Variants in MALRD1 observed in about 807,000 individuals in gnomAD.
MALRD1 encodes the protein MAM and LDL receptor class A domain containing 1, also known as MAM and LDL-receptor class A domain-containing protein 1.
A neutral mutation model predicts 242.1 loss-of-function variants in MALRD1; 247 were observed. The ratio of observed to expected loss-of-function variants is 1.02; its 90% confidence interval spans 0.92 to 1.13. The LOEUF is 1.13. Ranked by LOEUF, MALRD1 falls within the 50% of genes most tolerant of loss-of-function variation. MALRD1 has a pLI of 0.00. For synonymous variants in MALRD1, 995 were observed against 866.6 expected (o/e 1.15, Z -2.60); for missense variants, 2,989 against 2,533.1 (o/e 1.18, Z -3.86).
At chr10:19,287,411 G>C (rs1049408350) in intron 21 of MALRD1, among the ~76,000 whole-genome samples, 3 of 151,988 alleles carry the variant, frequency 2.0e-5, no homozygotes, top group Non-Finnish European at 2.9e-5. Context: ...CGTTCCGACT[G>C]TGTATATTTA....
chr10:19,189,306 A>G (rs570793885), intron 14 of MALRD1, among the ~76,000 whole-genome samples: 42 of 152,294 alleles, frequency 2.8e-4, no homozygotes, highest in African/African-American at 9.9e-4. Context: ...AAGAGATTTG[A>G]TGAATAATAA....
chr10:19,703,307 C>T (rs1833704599), intron 38 of MALRD1, among the ~76,000 whole-genome samples: 1 of 152,030 alleles, frequency 6.6e-6, no homozygotes, highest in South Asian at 2.1e-4. Context: ...GCTTCCTGTC[C>T]CTGTAACAAA....
intron 28 of MALRD1, among the ~76,000 whole-genome samples, chr10:19,399,616 C>T (rs1589022917): frequency 6.6e-6 from 1 of 152,014 alleles, no homozygotes; most frequent in African/African-American, 2.4e-5. Context: ...GTGATTCACT[C>T]TTGTATGCAT....
chr10:19,505,670 A>T (rs913318491), intron 31 of MALRD1, among the ~76,000 whole-genome samples: 5 of 152,166 alleles, frequency 3.3e-5, no homozygotes, highest in African/African-American at 7.2e-5. Flanking sequence ...AGGGGAACTC[A>T]CTCAGACCAC....
intron 18 of MALRD1, among the ~76,000 whole-genome samples, chr10:19,244,327 C>A (rs907711105): frequency 6.6e-6 from 1 of 152,104 alleles, no homozygotes; most frequent in African/African-American, 2.4e-5. Context: ...AAACTCAGTA[C>A]TTTGGGAATT....
At chr10:19,657,269 T>C (rs1841200922) in intron 36 of MALRD1, among the ~76,000 whole-genome samples, 1 of 152,210 alleles carries the variant, frequency 6.6e-6, no homozygotes, top group Non-Finnish European at 1.5e-5. Flanking sequence ...TAATTGAATT[T>C]TTATTCTTTG....
intron 33 of MALRD1, among the ~76,000 whole-genome samples, chr10:19,584,909 C>A (rs1228342288): frequency 1.3e-5 from 2 of 151,736 alleles, no homozygotes; most frequent in Non-Finnish European, 2.9e-5. Flanking sequence ...CTGGGTGCTC[C>A]TGTATTGGGT....
chr10:19,622,585 G>A (rs1406724624), intron 36 of MALRD1, among the ~76,000 whole-genome samples: 1 of 150,416 alleles, frequency 6.6e-6, no homozygotes. Context: ...TTTCATAGGG[G>A]TAAACAATTA....
chr10:19,411,320 T>TAGC (rs958844817), intron 28 of MALRD1, among the ~76,000 whole-genome samples: 10 of 152,208 alleles, frequency 6.6e-5, no homozygotes, highest in South Asian at 2.1e-4. Flanking sequence ...AAACTACCAC[T>TAGC]AGCAGCAGCA....
intron 28 of MALRD1, among the ~76,000 whole-genome samples, chr10:19,406,375 T>C (rs1448608800): frequency 2.0e-5 from 3 of 152,208 alleles, no homozygotes; most frequent in Non-Finnish European, 4.4e-5. Flanking sequence ...TATTTCCATT[T>C]AAATGCCCTT....
intron 36 of MALRD1, among the ~76,000 whole-genome samples, chr10:19,631,642 T>C (rs766961415): frequency 1.6e-4 from 24 of 152,208 alleles, no homozygotes; most frequent in Admixed American, 1.3e-4. Flanking sequence ...CTCCATAACC[T>C]CACCAGCATC....
chr10:19,522,173 A>G (rs566773475), intron 31 of MALRD1, among the ~76,000 whole-genome samples: 1 of 152,252 alleles, frequency 6.6e-6, no homozygotes, highest in South Asian at 2.1e-4. Flanking sequence ...GACTGTCTGC[A>G]TTCTTCTACA....
chr10:19,611,730 C>T (rs1176350293), intron 35 of MALRD1, among the ~76,000 whole-genome samples: 1 of 151,964 alleles, frequency 6.6e-6, no homozygotes, highest in Non-Finnish European at 1.5e-5. Context: ...TTGCTCTCTC[C>T]TTAAAATTGT....
intron 18 of MALRD1, among the ~76,000 whole-genome samples, chr10:19,244,728 C>A (rs548491477): frequency 6.6e-6 from 1 of 152,302 alleles, no homozygotes; most frequent in South Asian, 2.1e-4. Flanking sequence ...AAAAACCAAG[C>A]TATTTAATAC....
chr10:19,205,028 C>G lies in MALRD1; in HGVS notation c.2341C>G (p.Leu781Val), dbSNP rs558923663. ...ACAATGGTTGGAGGCAACCATTCAGCTAGGGCGCCTTTCGCAGCCCTTCCA... is the reference window on the plus strand; with the variant it reads ...ACAATGGTTGGAGGCAACCATTCAGGTAGGGCGCCTTTCGCAGCCCTTCCA... ...GKQWLEATIQ[L>V]GRLSQPFHLS... Residue 781 changes from leucine (L) to valine (V), a missense_variant, in exon 17 of 40, where the codon CTA becomes GTA. Physicochemically the swap from Leu to Val is conservative, Grantham distance 32. Coordinates refer to ENST00000454679, the MANE Select transcript of MALRD1 (RefSeq NM_001142308.3). 4 of 1,550,686 alleles carry G rather than the reference C, an allele frequency of 2.6e-6. No homozygotes were observed. Among genetic ancestry groups the G allele is most frequent in the Non-Finnish European group, 3.5e-6 (4 of 1,147,034 alleles).
chr10:19,416,049 A>G (rs1290589226), intron 28 of MALRD1, among the ~76,000 whole-genome samples: 2 of 152,228 alleles, frequency 1.3e-5, no homozygotes, highest in South Asian at 2.1e-4. Context: ...AAGAAAGTGC[A>G]GGTTGCTTGT....
chr10:19,076,600 G>T lies in MALRD1; in HGVS notation c.340+9741G>T, dbSNP rs1395561759. On this transcript the variant is annotated intron_variant, in intron 2 of 39. Transcript: ENST00000454679. ...CACGGTCAAAATTCATAGATGCGTT[G>T]GTTTACTTTTGAACTCTCAATGCGA... 2.6e-5 allele frequency among the ~76,000 whole-genome samples: 4 copies of T among 151,990 alleles called. No individual in the cohort carries two copies. The East Asian group carries it at 7.8e-4, about 30-fold the overall frequency.
intron 32 of MALRD1, among the ~76,000 whole-genome samples, chr10:19,558,101 C>T (rs765671396): frequency 2.0e-5 from 3 of 152,024 alleles, no homozygotes; most frequent in African/African-American, 4.8e-5. Flanking sequence ...ATTCTTGCAT[C>T]CTGCAACTTT....
chr10:19,633,243 A>G (rs1839986863), intron 36 of MALRD1, among the ~76,000 whole-genome samples: 1 of 152,154 alleles, frequency 6.6e-6, no homozygotes, highest in African/African-American at 2.4e-5. Context: ...AGAAAAAAAA[A>G]GAGAGACAGA....
Sources: gnomAD v4.1 joint callset for allele counts (sites outside exome capture counted in the v4.1 genomes callset) on GRCh38, gnomAD v4.1.1 for gene constraint, MANE v1.5 for transcripts, NCBI Gene and HGNC (gene_info 2026-07-23, HGNC 2026-07-21) for gene names.